The following PCDH9 variants were observed in gnomAD, a reference collection of about 807,000 sequenced individuals.
PCDH9 encodes the protein protocadherin-9.
A neutral mutation model predicts 70.6 loss-of-function variants in PCDH9; 24 were observed. The observed-to-expected ratio is 0.34, with a 90% confidence interval of 0.25 to 0.48. PCDH9 has a LOEUF of 0.48. Ranked by LOEUF, PCDH9 falls within the 20% of genes least tolerant of loss-of-function variation. PCDH9 has a pLI of 0.99. For missense variants in PCDH9, 1,281 were observed against 1,503.6 expected, an observed-to-expected ratio of 0.85 and a Z score of 2.45; for synonymous variants, 562 against 558.5, an observed-to-expected ratio of 1.01 and a Z score of -0.09.
chr13:66,819,197 G>A (rs904125242), intron 3 of PCDH9, among the ~76,000 whole-genome samples: 1 of 151,966 alleles, frequency 6.6e-6, no homozygotes, highest in Non-Finnish European at 1.5e-5. Context: ...GAGAAAGCAC[G>A]AGAACCATTG....
chr13:67,174,770 G>A (rs540166894), intron 2 of PCDH9, among the ~76,000 whole-genome samples: 1 of 152,200 alleles, frequency 6.6e-6, no homozygotes, highest in African/African-American at 2.4e-5. Flanking sequence ...TTCATAAAGT[G>A]TCATTTCTTT....
chr13:66,549,549 T>A (rs1049497426), intron 4 of PCDH9, among the ~76,000 whole-genome samples: 18 of 152,198 alleles, frequency 1.2e-4, no homozygotes, highest in Non-Finnish European at 2.5e-4. Flanking sequence ...AAAAAAAGGT[T>A]TTTTTGGACT....
At chr13:66,775,923 C>A (rs2079884847) in intron 3 of PCDH9, among the ~76,000 whole-genome samples, 1 of 152,010 alleles carries the variant, frequency 6.6e-6, no homozygotes. Context: ...CCCGAACTCC[C>A]CTATGTTACA....
At chr13:66,505,787 C>T (rs974577822) in intron 4 of PCDH9, among the ~76,000 whole-genome samples, 18 of 152,106 alleles carry the variant, frequency 1.2e-4, no homozygotes, top group Non-Finnish European at 1.9e-4. Context: ...ATTATGGGAG[C>T]TACAATTCAA....
At chr13:66,980,743 T>TG (rs2083743073) in intron 2 of PCDH9, among the ~76,000 whole-genome samples, 2 of 120,606 alleles carry the variant, frequency 1.7e-5, no homozygotes, top group Non-Finnish European at 3.7e-5. Flanking sequence ...TTTTTTTTTG[T>TG]TTTTTTTTTT....
At chr13:66,609,128 A>C (rs2077259902) in intron 4 of PCDH9, among the ~76,000 whole-genome samples, 1 of 152,006 alleles carries the variant, frequency 6.6e-6, no homozygotes, top group South Asian at 2.1e-4. Context: ...TAGCTATATA[A>C]ATTAGCTGTT....
intron 2 of PCDH9, among the ~76,000 whole-genome samples, chr13:66,938,927 A>G (rs2082961436): frequency 6.6e-6 from 1 of 152,158 alleles, no homozygotes; most frequent in Admixed American, 6.5e-5. Flanking sequence ...GGTTTATATT[A>G]TGTAATTTAA....
intron 3 of PCDH9, among the ~76,000 whole-genome samples, chr13:66,666,784 CTT>C (rs2078103394): frequency 6.6e-6 from 1 of 152,108 alleles, no homozygotes; most frequent in African/African-American, 2.4e-5. Context: ...CTTATAATGA[CTT>C]TTATTGATAT....
chr13:66,707,363 A>T (rs571893690), intron 3 of PCDH9, among the ~76,000 whole-genome samples: 13 of 152,226 alleles, frequency 8.5e-5, no homozygotes, highest in Admixed American at 2.6e-4. Context: ...GCACTTAGAA[A>T]AAAAGCAAGT....
Position 66,306,526 on chromosome 13 carries a change from A to G in PCDH9, c.3341-1498T>C, listed in dbSNP as rs1955469172. ...TAACCAAAAACCACTTGTACCCCAA[A>G]AACTATTGATATAAAAAAATTGTTT... On this transcript the variant is annotated intron_variant, in intron 4 of 4. Coordinates refer to ENST00000377865, the MANE Select transcript of PCDH9 (RefSeq NM_203487.3). 2.6e-5 allele frequency among the ~76,000 whole-genome samples: 4 copies of G among 151,614 alleles called. No homozygotes were observed. In the South Asian group the frequency reaches 8.3e-4, roughly 32 times the overall value.
chr13:66,574,523 T>G (rs1449174752), intron 4 of PCDH9, among the ~76,000 whole-genome samples: 1 of 152,204 alleles, frequency 6.6e-6, no homozygotes. Flanking sequence ...CTCTTGTGTC[T>G]TCCGTATCCC....
chr13:66,586,998 A>C (rs1000421441), intron 4 of PCDH9, among the ~76,000 whole-genome samples: 2 of 152,122 alleles, frequency 1.3e-5, no homozygotes, highest in Non-Finnish European at 2.9e-5. Context: ...TAAAATTAAT[A>C]TATTATCACT....
intron 4 of PCDH9, among the ~76,000 whole-genome samples, chr13:66,339,480 T>C (rs567878625): frequency 5.3e-5 from 8 of 152,204 alleles, no homozygotes; most frequent in African/African-American, 1.9e-4. Context: ...ACTACATTAG[T>C]AATTCATCTT....
At chr13:66,811,821 CCTTTCTTT>C (rs1458849161) in intron 3 of PCDH9, among the ~76,000 whole-genome samples, 1 of 149,550 alleles carries the variant, frequency 6.7e-6, no homozygotes, top group Non-Finnish European at 1.5e-5. Flanking sequence ...TTCCTTTCTT[CCTTTCTTT>C]CTTTTCCTTG....
At chr13:66,739,937 C>A (rs2079229183) in intron 3 of PCDH9, among the ~76,000 whole-genome samples, 2 of 149,794 alleles carry the variant, frequency 1.3e-5, no homozygotes, top group African/African-American at 4.9e-5. Context: ...ATCAACGAGA[C>A]AGAAAGTCAA....
intron 2 of PCDH9, among the ~76,000 whole-genome samples, chr13:67,152,211 A>T (rs976063368): frequency 5.3e-5 from 8 of 152,172 alleles, no homozygotes; most frequent in African/African-American, 1.4e-4. Flanking sequence ...TTTACTGTTG[A>T]TAGGAAACGG....
chr13:66,948,935 T>C (rs2083133567), intron 2 of PCDH9, among the ~76,000 whole-genome samples: 1 of 152,158 alleles, frequency 6.6e-6, no homozygotes, highest in Admixed American at 6.6e-5. Context: ...AGGGTGTCTA[T>C]TTTTGCATAG....
intron 3 of PCDH9, chr13:66,859,049 TTGAAAACATC>T (rs1268057266): frequency 6.6e-6 from 1 of 152,210 alleles, no homozygotes; most frequent in East Asian, 1.9e-4. Flanking sequence ...TATCAGCTGC[TTGAAAACATC>T]TGAAAACAAA....
intron 3 of PCDH9, among the ~76,000 whole-genome samples, chr13:66,827,033 T>C (rs2080836057): frequency 6.6e-6 from 1 of 152,190 alleles, no homozygotes. Context: ...GGGTGGAATA[T>C]ACTTGTAGTC....
Sources: allele counts gnomAD v4.1 joint callset (sites outside exome capture counted in the v4.1 genomes callset), GRCh38; gene constraint gnomAD v4.1.1; transcripts MANE v1.5; gene names NCBI Gene and HGNC (gene_info 2026-07-23, HGNC 2026-07-21).